HMGB1: variants seen among roughly 807,000 people sequenced by gnomAD.
HMGB1 encodes the protein high mobility group protein B1.
For synonymous variants in HMGB1, 81 were observed against 84.0 expected (o/e 0.96, Z 0.19); for missense variants, 79 against 253.5 (o/e 0.31, Z 4.67).
intron 1 of HMGB1, among the ~76,000 whole-genome samples, chr13:30,602,115 G>A (rs1175891337): frequency 6.6e-6 from 1 of 152,060 alleles, no homozygotes; most frequent in East Asian, 1.9e-4. Flanking sequence ...CAGCACCACA[G>A]CCTCAGACAT....
intron 1 of HMGB1, among the ~76,000 whole-genome samples, chr13:30,581,207 T>C (rs1870887849): frequency 6.6e-6 from 1 of 152,224 alleles, no homozygotes. Flanking sequence ...AAGTGATTCT[T>C]ATAACTTAGA....
rs553304075 is a variant in HMGB1, at chr13:30,558,489, CAT to C, written c.-15+58180_-15+58181del. On this transcript the variant is annotated intron_variant, in intron 1 of 4. Coordinates refer to the HMGB1 transcript ENST00000405805. ...TTTAAAAAAATAACTGAAATGAAAACATAAGTCATGTAAAAAAAGATTTTTTT... is the reference window on the plus strand; with the variant it reads ...TTTAAAAAAATAACTGAAATGAAAACAAGTCATGTAAAAAAAGATTTTTTT... Among the ~76,000 whole-genome samples, 266 of 151,788 alleles carry C rather than the reference CAT, an allele frequency of 1.8e-3. 2 individuals are homozygous for C. The highest frequency in any genetic ancestry group is 6.2e-3 in the African/African-American group (258 of 41,380).
Position 30,592,871 on chromosome 13 carries a change from TAAAA to T in HMGB1, c.-15+23796_-15+23799del, listed in dbSNP as rs376893348. Among the ~76,000 whole-genome samples the T allele has an allele frequency of 9.6e-3, 1,331 of 139,226 alleles. 22 individuals carry two copies. The highest frequency in any genetic ancestry group is 0.032 in the African/African-American group (1,258 of 39,178). 91.3% of individuals were successfully genotyped at this position (139,226 alleles called of 152,430 possible). A position where few individuals can be genotyped will look rare whatever the true frequency, so the allele number is the denominator to read the frequency against. On this transcript the variant is annotated intron_variant, in intron 1 of 4. Coordinates refer to the HMGB1 transcript ENST00000405805. ...TAATTTAAAATTTAGTGCTTTTTTT[TAAAA>T]AAAAAAAAAAAGCGAATCCCTGGGA...
Position 30,456,705 on chromosome 13 carries a change from T to A in HMGB1, c.*4652A>T, listed in dbSNP as rs1026301161. The A allele has an allele frequency of 2.2e-5, 3 of 135,890 alleles. No individual in the cohort carries two copies. The highest frequency in any genetic ancestry group is 5.6e-5 in the African/African-American group (2 of 35,912). The allele number at this position is 135,890 out of a possible 1,614,324, so 8.4% of individuals were successfully genotyped here. A position where few individuals can be genotyped will look rare whatever the true frequency, so the allele number is the denominator to read the frequency against. ...AAGAAAAACCAGTAAAAATCTTGAT[T>A]AATTGCAAAATCATTGTTAAAATGT... On this transcript the variant is annotated 3_prime_UTR_variant, in exon 5 of 5. Coordinates refer to ENST00000341423, the MANE Select transcript of HMGB1 (RefSeq NM_002128.7).
chr13:30,569,525 C>T (rs1227481119), intron 1 of HMGB1, among the ~76,000 whole-genome samples: 1 of 152,038 alleles, frequency 6.6e-6, no homozygotes, highest in African/African-American at 2.4e-5. Flanking sequence ...CTTGTTTAAC[C>T]TCTACAGGAT....
At chr13:30,463,491 T>C in intron 2 of HMGB1, 40 bp downstream of exon 2, 1 of 1,586,766 alleles carries the variant, frequency 6.3e-7, no homozygotes, top group Non-Finnish European at 8.6e-7. Context: ...TTGGAAACTG[T>C]CTTTTAATTA....
At chr13:30,535,457 G>A (rs1263813665) in intron 1 of HMGB1, among the ~76,000 whole-genome samples, 2 of 152,202 alleles carry the variant, frequency 1.3e-5, no homozygotes, top group Non-Finnish European at 2.9e-5. Context: ...CACAAAAAAG[G>A]TGAACATCTT....
At chr13:30,494,506 C>T (rs772466366) in intron 1 of HMGB1, among the ~76,000 whole-genome samples, 20 of 152,030 alleles carry the variant, frequency 1.3e-4, no homozygotes, top group African/African-American at 4.6e-4. Context: ...GGATTACAGG[C>T]GTGCGCCACC....
At chr13:30,461,828 T>A in intron 4 of HMGB1, 1 of 529,096 alleles carries the variant, frequency 1.9e-6, no homozygotes, top group Non-Finnish European at 3.2e-6. Context: ...AACCAGAATG[T>A]AGAGACTTTG....
At chr13:30,590,188 G>A (rs940743277) in intron 1 of HMGB1, among the ~76,000 whole-genome samples, 2 of 152,186 alleles carry the variant, frequency 1.3e-5, no homozygotes, top group Admixed American at 1.3e-4. Context: ...CCAATAAGGT[G>A]TAGCTGCTAG....
intron 1 of HMGB1, among the ~76,000 whole-genome samples, chr13:30,497,136 A>G (rs1887626072): frequency 6.6e-6 from 1 of 151,562 alleles, no homozygotes; most frequent in Non-Finnish European, 1.5e-5. Flanking sequence ...CACTGTAACC[A>G]GGACCCTTCA....
chr13:30,479,487 C>A (rs904199825), intron 1 of HMGB1, among the ~76,000 whole-genome samples: 1 of 152,202 alleles, frequency 6.6e-6, no homozygotes, highest in Non-Finnish European at 1.5e-5. Context: ...GTTTTTGACT[C>A]CCCTTTCTCC....
At chr13:30,615,993 C>T (rs758502267) in intron 1 of HMGB1, among the ~76,000 whole-genome samples, 35 of 152,336 alleles carry the variant, frequency 2.3e-4, no homozygotes, top group Non-Finnish European at 4.6e-4. Context: ...GAAGGTACTG[C>T]ACTCTCTCTG....
At chr13:30,503,982 G>A (rs1014174518) in intron 1 of HMGB1, among the ~76,000 whole-genome samples, 1 of 150,902 alleles carries the variant, frequency 6.6e-6, no homozygotes, top group Non-Finnish European at 1.5e-5. Context: ...AATGTATTGT[G>A]TATTTTGGTG....
At chr13:30,585,272 C>T (rs1158139600) in intron 1 of HMGB1, among the ~76,000 whole-genome samples, 2 of 151,802 alleles carry the variant, frequency 1.3e-5, no homozygotes, top group African/African-American at 4.8e-5. Context: ...CTGGGTAGCC[C>T]GCGCCACTGC....
intron 1 of HMGB1, among the ~76,000 whole-genome samples, chr13:30,497,819 T>C (rs1887645374): frequency 1.3e-5 from 2 of 152,218 alleles, no homozygotes; most frequent in African/African-American, 4.8e-5. Context: ...TATTCCATGG[T>C]GTAAATGTAC....
intron 1 of HMGB1, among the ~76,000 whole-genome samples, chr13:30,600,757 C>A (rs1414692466): frequency 6.6e-6 from 1 of 152,140 alleles, no homozygotes; most frequent in Non-Finnish European, 1.5e-5. Context: ...ATTTCAAAAT[C>A]TGAAAAAACC....
intron 1 of HMGB1, among the ~76,000 whole-genome samples, chr13:30,501,136 A>G (rs1887725696): frequency 6.6e-6 from 1 of 152,206 alleles, no homozygotes; most frequent in Non-Finnish European, 1.5e-5. Flanking sequence ...ATTCTAATAA[A>G]TGAATTGGAT....
chr13:30,511,701 C>T (rs1458404375), intron 1 of HMGB1, among the ~76,000 whole-genome samples: 1 of 152,130 alleles, frequency 6.6e-6, no homozygotes, highest in Non-Finnish European at 1.5e-5. Context: ...CCTTGCATGT[C>T]CCATCTATCT....
Sources: allele counts gnomAD v4.1 joint callset (sites outside exome capture counted in the v4.1 genomes callset), GRCh38; gene constraint gnomAD v4.1.1; transcripts MANE v1.5; gene names NCBI Gene and HGNC (gene_info 2026-07-23, HGNC 2026-07-21).